ZBTB4: variants seen among roughly 807,000 people sequenced by gnomAD.
The protein encoded by ZBTB4 is zinc finger and BTB domain-containing protein 4.
ZBTB4 carries 14 observed loss-of-function variants against 59.8 expected under a neutral mutation model. The observed-to-expected ratio is 0.23, with a 90% CI of 0.15 to 0.37. ZBTB4 has a LOEUF of 0.37. Ranked by LOEUF, ZBTB4 falls within the 10% of genes least tolerant of loss-of-function variation. ZBTB4 has a pLI of 1.00. For synonymous variants in ZBTB4, 587 were observed against 575.2 expected, an observed-to-expected ratio of 1.02 and a Z score of -0.29; for missense variants, 1,198 against 1,380.8, an observed-to-expected ratio of 0.87 and a Z score of 2.10.
At chr17:7,475,259 T>C (rs1487633509) in intron 1 of ZBTB4, among the ~76,000 whole-genome samples, 2 of 151,204 alleles carry the variant, frequency 1.3e-5, no homozygotes. Context: ...GAGAATCACC[T>C]GAACCCGGAA....
chr17:7,462,043 G>A lies in ZBTB4; in HGVS notation c.2939C>T (p.Ala980Val), dbSNP rs1386797785. 6.2e-7 allele frequency: 1 copy of A among 1,601,446 alleles called. No individual in the cohort carries two copies. The highest frequency in any genetic ancestry group is 1.7e-5 in the Admixed American group (1 of 58,760). The change falls in exon 4 of 4, where the codon GCC becomes GTC. Residue 980 changes from alanine (A) to valine (V), a missense_variant. Physicochemically the swap from Ala to Val is moderately conservative, Grantham distance 64. Around this residue, in one of 9 missense-constraint regions of ZBTB4, gnomAD observed 211 missense variants for 236.1 expected, o/e 0.89. Transcript: ENST00000380599. This position sits in a 1 kb window ranked among gnomAD's most constrained non-coding sequence, Gnocchi z 7.5. Reference protein sequence around the residue: ...YAVNPQAAPPAPPTPPPPTLP... With the variant: ...YAVNPQAAPPVPPTPPPPTLP... ...AGTTGGGGGAGGTGGTGTTGGTGGG[G>A]CAGGGGGTGCTGCTTGAGGATTCAC...
upstream of ZBTB4, chr17:7,483,022 G>C (rs368797549): frequency 1.9e-6 from 3 of 1,611,842 alleles, no homozygotes; most frequent in Non-Finnish European, 2.5e-6. Flanking sequence ...GGGAGCCCGG[G>C]GGTTGGGAGG....
At position 7,466,932 on chromosome 17, in the gene ZBTB4, A is replaced by G; in HGVS notation, c.-9-122T>C. 1 of 1,421,220 alleles carries G rather than the reference A, an allele frequency of 7.0e-7. No homozygotes were observed. Among genetic ancestry groups the G allele is most frequent in the Non-Finnish European group, 9.2e-7 (1 of 1,087,664 alleles). 88.0% of individuals were successfully genotyped at this position (1,421,220 alleles called of 1,614,324 possible). A position where few individuals can be genotyped will look rare whatever the true frequency, so the allele number is the denominator to read the frequency against. On this transcript the variant is annotated intron_variant, in intron 2 of 3. Coordinates refer to ENST00000380599, the MANE Select transcript of ZBTB4 (RefSeq NM_001128833.2). This position sits in a 1 kb window ranked among gnomAD's most constrained non-coding sequence, Gnocchi z 9.1. ...TCAGAAACTAGTGGAAGGCTGAATC[A>G]CTTCTGGTCACAGAAGTCAGGGGTT...
rs1329917560 is a variant in ZBTB4 at position 7,463,803 on chromosome 17, G to A, written c.1179C>T (p.Gly393=). 1 of 1,614,178 alleles carries A rather than the reference G, an allele frequency of 6.2e-7. No homozygotes were observed. ...TGGGTGTCTTCTCACTGGCAAGGAG[G>A]CCCGGGCTAATGCCGTGGAAGGCTC... ...HQRAFHGISP[G]LLASEKTPNG... is the part of the protein sequence containing the mutation. Residue 393 remains glycine (G), a synonymous_variant, in exon 4 of 4, where the codon GGC becomes GGT. Transcript: ENST00000380599.
rs1176097090 is a variant in ZBTB4, at chr17:7,463,402, G to T, written c.1580C>A (p.Pro527His). The change falls in exon 4 of 4, where the codon CCT becomes CAT. Residue 527 changes from proline (P) to histidine (H), a missense_variant. Around this residue, in one of 9 missense-constraint regions of ZBTB4, gnomAD observed 550 missense variants for 541.8 expected, o/e 1.02. Transcript: ENST00000380599. ...PKKREYPPPP[P>H]EPAATPTSPA... Reference sequence around the variant, plus strand: ...GCTGGTGGGTGTGGCTGCAGGCTCAGGGGGAGGAGGTGGGTATTCTCGTTT... The same window carrying T: ...GCTGGTGGGTGTGGCTGCAGGCTCATGGGGAGGAGGTGGGTATTCTCGTTT... 6.3e-7 allele frequency: 1 copy of T among 1,585,556 alleles called. No homozygotes were observed. The highest frequency in any genetic ancestry group is 8.6e-7 in the Non-Finnish European group (1 of 1,166,602).
intron 3 of ZBTB4, 129 bp downstream of exon 3, chr17:7,465,582 G>A: frequency 7.0e-7 from 1 of 1,419,472 alleles, no homozygotes; most frequent in Non-Finnish European, 9.3e-7. Context: ...CCACAGTGCT[G>A]GGATTACTGC....
intron 1 of ZBTB4, among the ~76,000 whole-genome samples, chr17:7,479,034 C>A (rs2070307523): frequency 6.6e-6 from 1 of 152,210 alleles, no homozygotes. Context: ...CACCCCTCCC[C>A]CTCTCTGCCT....
intron 3 of ZBTB4, 33 bp from the exon 4 acceptor site, chr17:7,463,923 C>T (rs1324731856): frequency 6.3e-7 from 1 of 1,587,462 alleles, no homozygotes; most frequent in Non-Finnish European, 8.6e-7. Context: ...AGGGCAGGAA[C>T]ACAGGCACTT....
chr17:7,480,222 T>G (rs1161683242), upstream of ZBTB4, among the ~76,000 whole-genome samples: 4 of 152,152 alleles, frequency 2.6e-5, no homozygotes, highest in African/African-American at 9.7e-5. Flanking sequence ...AGCAGATAGA[T>G]CCACATCTGT....
In ZBTB4 at chr17:7,461,966, T is replaced by C. The variant is rs2070026257; in HGVS notation, c.3016A>G (p.Arg1006Gly). The change falls in exon 4 of 4, where the codon AGA (arginine) becomes GGA (glycine). Residue 1006 changes from arginine to glycine, a missense_variant. Around this residue, in one of 9 missense-constraint regions of ZBTB4, gnomAD observed 211 missense variants for 236.1 expected, o/e 0.89. Transcript: ENST00000380599. ...CACCCCACATCGCCCTTCTGGGTTC[T>C]CTCAACCCCTGCCCTTTCCCCTTCT... ...KGEGERAGVE[R>G]TQKGDVG The C allele has an allele frequency of 6.4e-7, 1 of 1,569,346 alleles. No homozygotes were observed. The highest frequency in any genetic ancestry group is 8.6e-7 in the Non-Finnish European group (1 of 1,156,612).
chr17:7,462,781 G>T lies in ZBTB4; in HGVS notation c.2201C>A (p.Thr734Asn). The T allele has an allele frequency of 6.2e-7, 1 of 1,602,464 alleles. No homozygotes were observed. The change falls in exon 4 of 4, where the codon ACC becomes AAC. Residue 734 changes from threonine (T) to asparagine (N), a missense_variant. Thr to Asn is a moderately conservative substitution (Grantham distance 65). Transcript: ENST00000380599. This position sits in a 1 kb window ranked among gnomAD's most constrained non-coding sequence, Gnocchi z 7.5. ...RRHRCGDCAQTFTTLRKLRKH... is the reference protein window; with the variant it reads ...RRHRCGDCAQNFTTLRKLRKH... ...CCGCAGCTTTCTCAGGGTGGTGAAGGTCTGGGCACAGTCCCCGCATCGGTG... is the reference window on the plus strand; with the variant it reads ...CCGCAGCTTTCTCAGGGTGGTGAAGTTCTGGGCACAGTCCCCGCATCGGTG...
At chr17:7,479,936 A>G (rs959712390), upstream of ZBTB4, among the ~76,000 whole-genome samples, 1 of 151,954 alleles carries the variant, frequency 6.6e-6, no homozygotes, top group South Asian at 2.1e-4. Flanking sequence ...CCCTTCACTC[A>G]GCGGTGCACA....
intron 1 of ZBTB4, among the ~76,000 whole-genome samples, chr17:7,469,333 A>AT (rs2150858281): frequency 6.6e-6 from 1 of 152,038 alleles, no homozygotes; most frequent in African/African-American, 2.4e-5. Flanking sequence ...TGCCTGGCTA[A>AT]TTTTTTGTAT....
In ZBTB4 at chr17:7,463,101, C is replaced by T. The variant is rs2070055160; in HGVS notation, c.1881G>A (p.Glu627=). The T allele has an allele frequency of 1.2e-6, 2 of 1,610,260 alleles. No homozygotes were observed. Among genetic ancestry groups the T allele is most frequent in the African/African-American group, 2.7e-5 (2 of 74,932 alleles). ...RISETDLRPG[E]LSGEEMEESE... Reference sequence around the variant, plus strand: ...TCTCCTCCATCTCCTCTCCGCTCAGCTCCCCAGGACGCAGGTCAGTCTCTG... The same window carrying T: ...TCTCCTCCATCTCCTCTCCGCTCAGTTCCCCAGGACGCAGGTCAGTCTCTG... The change falls in exon 4 of 4, where the codon GAG becomes GAA. Residue 627 remains glutamate, a synonymous_variant. Coordinates refer to ENST00000380599, the MANE Select transcript of ZBTB4 (RefSeq NM_001128833.2).
rs201334543 is a variant in ZBTB4 at position 7,466,484 on chromosome 17, G to GGAAGAA, written c.312_317dup (p.Ser110_Ser111dup). On this transcript the variant is annotated inframe_insertion, in exon 3 of 4. Transcript: ENST00000380599. The surrounding 1 kb of genome is among the most constrained non-coding windows in gnomAD (Gnocchi z 9.1). ...CTGGAGGGGGAGAGGAAGAGGAAGAGGAAGAAGAAGAAGAAGCAGAGGAGG... is the reference window on the plus strand; with the variant it reads ...CTGGAGGGGGAGAGGAAGAGGAAGAGGAAGAAGAAGAAGAAGAAGAAGCAGAGGAGG... 2.5e-6 allele frequency: 4 copies of GGAAGAA among 1,607,548 alleles called. No individual in the cohort carries two copies.
chr17:7,460,015 A>C lies in ZBTB4; in HGVS notation c.*1925T>G, dbSNP rs1273808474. The stretch of plus-strand genomic sequence containing the variant: ...CGCTGTATAGATAGATAGATATATA[A>C]TTTGTGTGTAGATATATATATATGT... On this transcript the variant is annotated 3_prime_UTR_variant, in exon 4 of 4. Coordinates refer to ENST00000380599, the MANE Select transcript of ZBTB4 (RefSeq NM_001128833.2). The C allele has an allele frequency of 2.0e-5, 3 of 152,400 alleles. No individual in the cohort carries two copies. The highest frequency in any genetic ancestry group is 4.4e-5 in the Non-Finnish European group (3 of 68,018). The allele number at this position is 152,400 out of a possible 1,614,324, so 9.4% of individuals were successfully genotyped here.
In ZBTB4 at chr17:7,465,663, G is replaced by A. The variant is rs750537520; in HGVS notation, c.1091+48C>T. 93 of 1,548,144 alleles carry A rather than the reference G, an allele frequency of 6.0e-5. No individual in the cohort carries two copies. The Admixed American group carries it at 1.0e-3, about 17-fold the overall frequency. On this transcript the variant is annotated intron_variant, in intron 3 of 3. Coordinates refer to ENST00000380599, the MANE Select transcript of ZBTB4 (RefSeq NM_001128833.2). ...CACTGCCGCCCTTGTTCCTATGACC[G>A]CTGAGTGCCAGCCTCCAGCCGCTCC...
In ZBTB4 at chr17:7,462,962, G is replaced by A. The variant is rs17854295; in HGVS notation, c.2020C>T (p.Arg674Cys). The A allele has an allele frequency of 5.0e-6, 8 of 1,608,230 alleles. No homozygotes were observed. The highest frequency in any genetic ancestry group is 2.2e-5 in the South Asian group (2 of 90,398). ...GCACCTCCAGCAGCTCCAGCCTTGC[G>A]CTTAGGCTTGTAGGAGTAGTAGGGC... Reference protein sequence around the residue: ...WRPYYSYKPKRKAGAAGGASV... With the variant: ...WRPYYSYKPKCKAGAAGGASV... The change falls in exon 4 of 4, where the codon CGC (arginine) becomes TGC (cysteine). Residue 674 changes from arginine (R) to cysteine (C), a missense_variant. Arg to Cys is a radical substitution (Grantham distance 180). This residue lies in a region of ZBTB4 where 550 missense variants were observed against 541.8 expected (regional missense o/e 1.02). Coordinates refer to ENST00000380599, the MANE Select transcript of ZBTB4 (RefSeq NM_001128833.2). The surrounding 1 kb of genome is among the most constrained non-coding windows in gnomAD (Gnocchi z 7.5).
chr17:7,470,533 TAAAATATAA>T (rs1277144903), intron 1 of ZBTB4, among the ~76,000 whole-genome samples: 1 of 150,530 alleles, frequency 6.6e-6, no homozygotes, highest in East Asian at 2.0e-4. Flanking sequence ...CGTCTCTACT[TAAAATATAA>T]AAAATTAGCA....
Sources: allele counts gnomAD v4.1 joint callset (sites outside exome capture counted in the v4.1 genomes callset), GRCh38; gene constraint gnomAD v4.1.1; regional missense constraint gnomAD v4.1.1; non-coding constraint Gnocchi (gnomAD v3.1); transcripts MANE v1.5; gene names NCBI Gene and HGNC (gene_info 2026-07-23, HGNC 2026-07-21).